Variants in RCN3 observed in about 807,000 individuals in gnomAD.
The protein encoded by RCN3 is reticulocalbin 3.
RCN3 carries 41 observed loss-of-function variants against 35.9 expected under a neutral mutation model. The observed-to-expected ratio is 1.14, with a 90% CI of 0.89 to 1.48. The LOEUF is 1.48. RCN3 is among the 40% of genes most tolerant of loss of function. The pLI is 0.00. For synonymous variants in RCN3, 187 were observed against 193.4 expected (o/e 0.97, Z 0.27); for missense variants, 451 against 471.3 (o/e 0.96, Z 0.40).
At chr19:49,542,422 C>G (rs2080166917) in intron 5 of RCN3, 131 bp from the exon 6 acceptor site, 2 of 615,584 alleles carry the variant, frequency 3.2e-6, no homozygotes, top group Admixed American at 6.0e-5. Flanking sequence ...GAAGAGGACG[C>G]TGAGGCGAGA....
chr19:49,537,053 G>T lies in RCN3; in HGVS notation c.466G>T (p.Glu156Ter), dbSNP rs753647437. The T allele has an allele frequency of 1.9e-6, 3 of 1,552,742 alleles. No homozygotes were observed. Among genetic ancestry groups the T allele is most frequent in the Non-Finnish European group, 2.6e-6 (3 of 1,145,950 alleles). Residue 156 changes from glutamate (E) to a stop codon, truncating the protein, a stop_gained, in exon 4 of 7, where the codon GAG becomes TAG. Transcript: ENST00000270645. LOFTEE classifies it high-confidence loss of function. ...YAPGEEFHDV[E>*]DAETYKKMLA... ...CCCAGGTGAAGAATTTCATGACGTG[G>T]AGGATGCAGAGACCTACAAAAAGAT... is the stretch of plus-strand genomic sequence containing the variant.
chr19:49,539,094 G>A, intron 4 of RCN3, 25 bp from the exon 5 acceptor site: 1 of 1,569,252 alleles, frequency 6.4e-7, no homozygotes, highest in African/African-American at 1.4e-5. Context: ...TCGGCCCCCA[G>A]CCTCAATGCC....
intron 2 of RCN3, among the ~76,000 whole-genome samples, chr19:49,530,267 C>A (rs1013781804): frequency 1.3e-5 from 2 of 150,462 alleles, no homozygotes; most frequent in South Asian, 4.2e-4. Flanking sequence ...TCAAGCAATT[C>A]TCCTGCCTCA....
intron 4 of RCN3, 129 bp from the exon 5 acceptor site, chr19:49,538,990 A>G (rs750609338): frequency 2.6e-4 from 155 of 604,132 alleles, no homozygotes; most frequent in Middle Eastern, 4.4e-4. Flanking sequence ...AGACTGCTCT[A>G]CTGCCTGCCT....
intron 5 of RCN3, among the ~76,000 whole-genome samples, chr19:49,539,776 G>A (rs930569671): frequency 2.7e-5 from 4 of 148,404 alleles, no homozygotes; most frequent in Non-Finnish European, 3.0e-5. Flanking sequence ...AGGCTGGAGC[G>A]CGGTGGCGTG....
At chr19:49,538,253 C>T (rs2080146446) in intron 4 of RCN3, among the ~76,000 whole-genome samples, 1 of 151,160 alleles carries the variant, frequency 6.6e-6, no homozygotes, top group Admixed American at 6.6e-5. Context: ...AGCTCTGCCT[C>T]CCGGGTTCAC....
intron 5 of RCN3, among the ~76,000 whole-genome samples, chr19:49,540,667 A>C (rs2080158864): frequency 6.7e-6 from 1 of 150,300 alleles, no homozygotes; most frequent in Admixed American, 6.7e-5. Context: ...CCCAGGCTGG[A>C]GTGCAGTGGG....
Position 49,534,388 on chromosome 19 carries a change from C to G in RCN3, c.438C>G (p.Tyr146Ter). 6.5e-7 allele frequency: 1 copy of G among 1,538,738 alleles called. No individual in the cohort carries two copies. Among genetic ancestry groups the G allele is most frequent in the East Asian group, 2.5e-5 (1 of 40,106 alleles). The change falls in exon 3 of 7, where the codon TAC becomes TAG. Residue 146 changes from tyrosine to a stop codon, truncating the protein, a stop_gained. Coordinates refer to ENST00000270645, the MANE Select transcript of RCN3 (RefSeq NM_020650.3). LOFTEE classifies it high-confidence loss of function. ...TGCGCAACGCCACCTATGGCCACTA[C>G]GCGCCCGGTACGCGGCGAGCCCCCG... Reference protein sequence around the residue: ...EELRNATYGHYAPGEEFHDVE... With the variant: ...EELRNATYGH
intron 2 of RCN3, among the ~76,000 whole-genome samples, chr19:49,529,773 TTG>T (rs2080099437): frequency 6.7e-6 from 1 of 149,750 alleles, no homozygotes; most frequent in African/African-American, 2.5e-5. Flanking sequence ...TATTTACTTA[TTG>T]AGATGGAGTC....
intron 3 of RCN3, 107 bp from the exon 4 acceptor site, chr19:49,536,924 AAC>A (rs2080138400): frequency 7.5e-6 from 8 of 1,061,440 alleles, no homozygotes; most frequent in Non-Finnish European, 1.1e-5. Context: ...TATACTTATT[AAC>A]TCCACAGAAA....
intron 2 of RCN3, among the ~76,000 whole-genome samples, chr19:49,529,689 A>G (rs1258850415): frequency 6.6e-6 from 1 of 152,072 alleles, no homozygotes; most frequent in African/African-American, 2.4e-5. Flanking sequence ...ATAAAGCAAG[A>G]GAGTCAGAAA....
chr19:49,536,845 A>G (rs916738032), intron 3 of RCN3, among the ~76,000 whole-genome samples, 188 bp from the exon 4 acceptor site: 3 of 152,088 alleles, frequency 2.0e-5, no homozygotes, highest in Admixed American at 1.3e-4. Flanking sequence ...ACCTCAAGTG[A>G]TCTGCCAGCT....
In RCN3 at chr19:49,537,023, C is replaced by G; in HGVS notation, c.446-10C>G. On this transcript the variant is annotated splice_polypyrimidine_tract_variant and intron_variant, in intron 3 of 6. Transcript: ENST00000270645. ...TAAAGCTCATCTCACTGAGACCTGT[C>G]CTTCCCCAGGTGAAGAATTTCATGA... 1 of 1,521,170 alleles carries G rather than the reference C, an allele frequency of 6.6e-7. No homozygotes were observed. Among genetic ancestry groups the G allele is most frequent in the East Asian group, 2.4e-5 (1 of 41,720 alleles). 94.2% of individuals were successfully genotyped at this position (1,521,170 alleles called of 1,614,324 possible). A position where few individuals can be genotyped will look rare whatever the true frequency, so the allele number is the denominator to read the frequency against.
intron 5 of RCN3, among the ~76,000 whole-genome samples, chr19:49,541,242 T>TA (rs1471914902): frequency 6.6e-6 from 1 of 152,024 alleles, no homozygotes; most frequent in Non-Finnish European, 1.5e-5. Flanking sequence ...TCTTCTCAAT[T>TA]ACTTCATCCC....
At chr19:49,529,158 G>A (rs537085224) in intron 2 of RCN3, among the ~76,000 whole-genome samples, 2 of 151,982 alleles carry the variant, frequency 1.3e-5, no homozygotes, top group Admixed American at 1.3e-4. Flanking sequence ...TCCAGTCAGG[G>A]CGACAAAGTG....
rs752099535 is a variant in RCN3 at position 49,533,940 on chromosome 19, G to A, written c.243-253G>A. On this transcript the variant is annotated intron_variant, in intron 2 of 6. Coordinates refer to ENST00000270645, the MANE Select transcript of RCN3 (RefSeq NM_020650.3). The stretch of plus-strand genomic sequence containing the variant: ...CTGCATCGTAGTAGGTCCCTCCCCC[G>A]CAGTGCTCCCAGCAGGCCCGCTCGT... 1.8e-4 allele frequency among the ~76,000 whole-genome samples: 28 copies of A among 152,048 alleles called. No individual in the cohort carries two copies. In the East Asian group the frequency reaches 3.1e-3, roughly 17 times the overall value.
intron 2 of RCN3, among the ~76,000 whole-genome samples, chr19:49,529,955 G>T (rs976270088): frequency 3.5e-5 from 5 of 142,120 alleles, no homozygotes; most frequent in Admixed American, 2.8e-4. Context: ...TTTTATTTTT[G>T]TTGTTGTTGT....
At chr19:49,537,283 C>T in intron 4 of RCN3, 78 bp downstream of exon 4, 1 of 1,344,760 alleles carries the variant, frequency 7.4e-7, no homozygotes, top group Non-Finnish European at 9.8e-7. Flanking sequence ...TGCTTCCCAG[C>T]ACCGACCTGG....
chr19:49,537,355 C>T, intron 4 of RCN3, 150 bp downstream of exon 4: 1 of 734,298 alleles, frequency 1.4e-6, no homozygotes, highest in Non-Finnish European at 2.0e-6. Flanking sequence ...AAACACAGGT[C>T]AGAGGACGGT....
Sources: allele counts gnomAD v4.1 joint callset (sites outside exome capture counted in the v4.1 genomes callset), GRCh38; gene constraint gnomAD v4.1.1; transcripts MANE v1.5; gene names NCBI Gene and HGNC (gene_info 2026-07-23, HGNC 2026-07-21).